RUNDC3B: variants seen among roughly 807,000 people sequenced by gnomAD.
RUNDC3B encodes RUN domain-containing protein 3B.
A neutral mutation model predicts 58.4 loss-of-function variants in RUNDC3B; 33 were observed. The observed-to-expected ratio is 0.56, with a 90% CI of 0.43 to 0.75. The LOEUF (loss-of-function observed/expected upper bound fraction) is 0.75. Ranked by LOEUF, RUNDC3B falls within the 30% of genes least tolerant of loss-of-function variation. The probability of loss-of-function intolerance (pLI) is 0.00; values close to 1 mark genes in which losing one functional copy is unlikely to be tolerated. For synonymous variants in RUNDC3B, 193 were observed against 195.2 expected, an observed-to-expected ratio of 0.99 and a Z score of 0.10; for missense variants, 501 against 535.7, an observed-to-expected ratio of 0.94 and a Z score of 0.64.
At chr7:87,749,247 AG>A (rs558419716) in intron 6 of RUNDC3B, among the ~76,000 whole-genome samples, 52 of 152,342 alleles carry the variant, frequency 3.4e-4, no homozygotes, top group African/African-American at 1.1e-3. Context: ...AAGATACTGA[AG>A]TAATTATTAC....
intron 4 of RUNDC3B, among the ~76,000 whole-genome samples, chr7:87,720,013 G>T (rs892351656): frequency 1.4e-5 from 2 of 141,434 alleles, no homozygotes; most frequent in Admixed American, 1.4e-4. Flanking sequence ...AAAAGAGAAA[G>T]AAAAACTTTG....
intron 8 of RUNDC3B, among the ~76,000 whole-genome samples, chr7:87,800,653 CTTT>C (rs571588791): frequency 6.5e-5 from 9 of 137,540 alleles, no homozygotes; most frequent in Admixed American, 7.3e-5. Flanking sequence ...CTTTTCTTTT[CTTT>C]TTTTTTTTTT....
intron 7 of RUNDC3B, among the ~76,000 whole-genome samples, chr7:87,775,808 A>ATCTAGCCT (rs1834588398): frequency 6.6e-6 from 1 of 152,194 alleles, no homozygotes; most frequent in South Asian, 2.1e-4. Context: ...GCCTAGGAAC[A>ATCTAGCCT]ATAGGCTATA....
intron 3 of RUNDC3B, among the ~76,000 whole-genome samples, chr7:87,704,352 T>C (rs1829408428): frequency 1.3e-5 from 2 of 152,216 alleles, no homozygotes; most frequent in African/African-American, 4.8e-5. Context: ...TTCTAGATGC[T>C]ACATAAACAT....
chr7:87,819,563 C>G (rs1232164570), intron 10 of RUNDC3B, among the ~76,000 whole-genome samples: 1 of 152,120 alleles, frequency 6.6e-6, no homozygotes, highest in Non-Finnish European at 1.5e-5. Context: ...GAACTCTCCA[C>G]CCCAAATCAA....
At chr7:87,810,618 A>G (rs1836663156) in intron 9 of RUNDC3B, among the ~76,000 whole-genome samples, 1 of 152,180 alleles carries the variant, frequency 6.6e-6, no homozygotes, top group Non-Finnish European at 1.5e-5. Flanking sequence ...TAATTTGGTC[A>G]TATTGTCACC....
chr7:87,659,172 A>C, intron 2 of RUNDC3B: 1 of 417,154 alleles, frequency 2.4e-6, no homozygotes, highest in Non-Finnish European at 4.7e-6. Flanking sequence ...AAAACAAACA[A>C]CAACAACAAA....
intron 6 of RUNDC3B, among the ~76,000 whole-genome samples, chr7:87,768,773 C>T (rs1343899535): frequency 2.6e-5 from 4 of 152,136 alleles, no homozygotes; most frequent in Non-Finnish European, 4.4e-5. Flanking sequence ...CCTGCATGGT[C>T]TCCAACAGGT....
In RUNDC3B at chr7:87,819,529, A is replaced by G. The variant is rs543095596; in HGVS notation, c.1225+3267A>G. On this transcript the variant is annotated intron_variant, in intron 10 of 10. Transcript: ENST00000394654. ...CAGGAATTGAACTCAGCTCTGCACC[A>G]AGCAGACCTAATAGACATCTACAGA... 7.8e-3 allele frequency among the ~76,000 whole-genome samples: 1,193 copies of G among 152,266 alleles called. 21 individuals carry two copies. Among genetic ancestry groups the G allele is most frequent in the African/African-American group, 0.027 (1,130 of 41,556 alleles).
intron 1 of RUNDC3B, among the ~76,000 whole-genome samples, chr7:87,642,471 A>G (rs1421611967): frequency 2.0e-5 from 3 of 152,142 alleles, no homozygotes; most frequent in Non-Finnish European, 2.9e-5. Flanking sequence ...ATGTGATCCA[A>G]GTATATAAAG....
At position 87,786,683 on chromosome 7, in the gene RUNDC3B, GA is replaced by G. The variant is rs559841647; in HGVS notation, c.956+8731del. On this transcript the variant is annotated intron_variant, in intron 8 of 10. Transcript: ENST00000394654. ...AATGCTTTTAACATAAAATAATTAT[GA>G]AATCACTTTATTTTTTCAAAAGAGA... Among the ~76,000 whole-genome samples, 291 of 151,954 alleles carry G rather than the reference GA, an allele frequency of 1.9e-3. 1 individual carries two copies. The highest frequency in any genetic ancestry group is 6.7e-3 in the African/African-American group (278 of 41,488).
At chr7:87,716,552 T>G (rs1202936197) in intron 4 of RUNDC3B, among the ~76,000 whole-genome samples, 1 of 152,202 alleles carries the variant, frequency 6.6e-6, no homozygotes, top group African/African-American at 2.4e-5. Context: ...CTGTTTTATG[T>G]TTCTTTTCTA....
At chr7:87,678,149 G>GC (rs1441857423) in intron 2 of RUNDC3B, among the ~76,000 whole-genome samples, 2 of 152,184 alleles carry the variant, frequency 1.3e-5, no homozygotes, top group Non-Finnish European at 2.9e-5. Flanking sequence ...ATACAGCAGA[G>GC]TTTTTCTCCT....
At chr7:87,715,957 A>T (rs1266686137) in intron 4 of RUNDC3B, among the ~76,000 whole-genome samples, 1 of 152,174 alleles carries the variant, frequency 6.6e-6, no homozygotes, top group Non-Finnish European at 1.5e-5. Context: ...GACAGGAATT[A>T]TCATTAAAAT....
At chr7:87,738,742 T>C (rs912977364) in intron 4 of RUNDC3B, among the ~76,000 whole-genome samples, 25 of 152,026 alleles carry the variant, frequency 1.6e-4, no homozygotes, top group Non-Finnish European at 3.7e-4. Flanking sequence ...AATGATTCCT[T>C]CTGCCTTTAA....
rs140999687 is a variant in RUNDC3B at position 87,822,859 on chromosome 7, A to C, written c.1225+6597A>C. On this transcript the variant is annotated intron_variant, in intron 10 of 10. Coordinates refer to ENST00000394654, the MANE Select transcript of RUNDC3B (RefSeq NM_001134405.2). The stretch of plus-strand genomic sequence containing the variant: ...ACAATGAGAACACATGGACACAAGA[A>C]GGGGAACATCACACTCCAGGGACTG... 8.1e-3 allele frequency among the ~76,000 whole-genome samples: 1,231 copies of C among 152,236 alleles called. 6 individuals are homozygous for C. Among genetic ancestry groups the C allele is most frequent in the Middle Eastern group, 0.02 (6 of 294 alleles).
chr7:87,715,391 A>G (rs1830488507), intron 4 of RUNDC3B, among the ~76,000 whole-genome samples: 2 of 123,352 alleles, frequency 1.6e-5, no homozygotes, highest in South Asian at 4.6e-4. Context: ...TCAATATAAT[A>G]TAATATATTT....
intron 3 of RUNDC3B, chr7:87,709,602 C>A: frequency 1.4e-6 from 1 of 695,576 alleles, no homozygotes; most frequent in Non-Finnish European, 1.8e-6. Flanking sequence ...TTAACTACTG[C>A]CTATATTGAC....
At chr7:87,664,218 C>CA (rs1254023947) in intron 2 of RUNDC3B, among the ~76,000 whole-genome samples, 1 of 151,978 alleles carries the variant, frequency 6.6e-6, no homozygotes, top group Non-Finnish European at 1.5e-5. Context: ...CCAAGCTACC[C>CA]AGGAAGCTGA....
Sources: gnomAD v4.1 joint callset for allele counts (sites outside exome capture counted in the v4.1 genomes callset) on GRCh38, gnomAD v4.1.1 for gene constraint, MANE v1.5 for transcripts, NCBI Gene and HGNC (gene_info 2026-07-23, HGNC 2026-07-21) for gene names.